The following CLIC2 variants were observed in gnomAD, a reference collection of about 807,000 sequenced individuals.
CLIC2 encodes chloride intracellular channel protein 2.
Under a neutral mutation model 14.8 loss-of-function variants are expected in CLIC2, and 9 were observed. The observed-to-expected ratio is 0.61, with a 90% confidence interval of 0.37 to 1.06. The LOEUF is 1.06. Ranked by LOEUF, CLIC2 falls within the 50% of genes least tolerant of loss-of-function variation. CLIC2 has a pLI of 0.01. For synonymous variants in CLIC2, 61 were observed against 66.3 expected, an observed-to-expected ratio of 0.92 and a Z score of 0.39; for missense variants, 148 against 181.4, an observed-to-expected ratio of 0.82 and a Z score of 1.06.
chrX:155,334,541 A>T lies in CLIC2; in HGVS notation c.-114T>A. ...CAAGTAATGTTGGTGCTTTAAGAAG[A>T]CCGTCTAGCTTGTAGTGGACTGAGT... On this transcript the variant is annotated 5_prime_UTR_variant, in exon 1 of 6. Coordinates refer to ENST00000369449, the MANE Select transcript of CLIC2 (RefSeq NM_001289.6). 1 of 655,827 alleles carries T rather than the reference A, an allele frequency of 1.5e-6. No individual in the cohort carries two copies. The highest frequency in any genetic ancestry group is 2.5e-6 in the Non-Finnish European group (1 of 395,759). The allele number at this position is 655,827 out of a possible 1,213,427, so 54.0% of individuals were successfully genotyped here.
intron 1 of CLIC2, among the ~76,000 whole-genome samples, chrX:155,315,997 T>G (rs947038255): frequency 2.7e-5 from 3 of 111,173 alleles, no homozygotes; most frequent in African/African-American, 9.8e-5. Flanking sequence ...TTTAAAGCAA[T>G]AGCAGTTAAA....
chrX:155,319,292 G>T (rs1459952913), intron 1 of CLIC2, among the ~76,000 whole-genome samples: 4 of 76,345 alleles, frequency 5.2e-5, no homozygotes, highest in South Asian at 5.5e-4. Context: ...GAACAGCTTT[G>T]GTCTGCAGCT....
rs6655067 is a variant in CLIC2, at chrX:155,304,770, A to G, written c.58-5625T>C. 1.6e-3 allele frequency among the ~76,000 whole-genome samples: 116 copies of G among 71,189 alleles called. 2 individuals are homozygous for G. Among genetic ancestry groups the G allele is most frequent in the South Asian group, 4.4e-3 (5 of 1,149 alleles). 61.8% of individuals were successfully genotyped at this position (71,189 alleles called of 115,157 possible). A position where few individuals can be genotyped will look rare whatever the true frequency, so the allele number is the denominator to read the frequency against. ...CAGATGGGTTTTTGGTGTGGATGTC[A>G]TTTCTGTTTGTTAGTTTTCCTTCTA... On this transcript the variant is annotated intron_variant, in intron 1 of 5. Transcript: ENST00000369449.
intron 1 of CLIC2, among the ~76,000 whole-genome samples, chrX:155,312,430 C>T (rs2075077782): frequency 1.8e-5 from 2 of 111,879 alleles, no homozygotes; most frequent in African/African-American, 3.3e-5. Flanking sequence ...GAGTCTTTTC[C>T]CCAATGCTTG....
chrX:155,277,749 A>G lies in CLIC2; in HGVS notation c.*154T>C, dbSNP rs1271233087. 1.0e-5 allele frequency: 5 copies of G among 485,606 alleles called. No individual in the cohort carries two copies. In the African/African-American group the frequency reaches 1.3e-4, roughly 13 times the overall value. The allele number at this position is 485,606 out of a possible 1,213,427, so 40.0% of individuals were successfully genotyped here. A position where few individuals can be genotyped will look rare whatever the true frequency, so the allele number is the denominator to read the frequency against. ...ACCTGTAAAATACAGTGGACAGATT[A>G]TTTATGGCTAATAGAAAATACAGAG... On this transcript the variant is annotated 3_prime_UTR_variant, in exon 6 of 6. Transcript: ENST00000369449.
At chrX:155,293,955 T>C (rs1331150237) in intron 3 of CLIC2, among the ~76,000 whole-genome samples, 2 of 111,294 alleles carry the variant, frequency 1.8e-5, no homozygotes, top group Non-Finnish European at 3.8e-5. Context: ...TGCAGTGCAA[T>C]AATAGGAAGG....
chrX:155,314,900 TA>T (rs782796734), intron 1 of CLIC2, among the ~76,000 whole-genome samples: 1 of 110,687 alleles, frequency 9.0e-6, no homozygotes, highest in South Asian at 3.8e-4. Context: ...ATAGCATAAA[TA>T]AAAAACAACC....
intron 3 of CLIC2, among the ~76,000 whole-genome samples, chrX:155,297,786 G>A (rs1169570365): frequency 1.6e-4 from 15 of 93,334 alleles, no homozygotes; most frequent in Non-Finnish European, 2.7e-4. Flanking sequence ...CCCGAGACCC[G>A]AGAGGCGGAG....
intron 3 of CLIC2, among the ~76,000 whole-genome samples, chrX:155,291,833 G>C (rs1451790091): frequency 8.9e-6 from 1 of 112,387 alleles, no homozygotes; most frequent in Non-Finnish European, 1.9e-5. Context: ...TTACAGATAT[G>C]TTGGGAAAGA....
chrX:155,278,905 A>G (rs2074908365), intron 5 of CLIC2: 1 of 341,888 alleles, frequency 2.9e-6, no homozygotes, highest in Admixed American at 4.7e-5. Context: ...CTGCACTCCA[A>G]CCTGGGTGAC....
intron 1 of CLIC2, among the ~76,000 whole-genome samples, chrX:155,310,736 TG>T (rs1261638933): frequency 2.7e-5 from 3 of 112,567 alleles, no homozygotes; most frequent in African/African-American, 9.7e-5. Context: ...AGGTTCTCCA[TG>T]AGGGCCCCAC....
intron 3 of CLIC2, chrX:155,291,029 G>A (rs1162088261): frequency 1.4e-6 from 1 of 714,023 alleles, no homozygotes; most frequent in Non-Finnish European, 2.2e-6. Context: ...CATCTTTAAC[G>A]TGGCCACCTC....
chrX:155,317,483 C>A (rs2075099179), intron 1 of CLIC2, among the ~76,000 whole-genome samples: 1 of 111,361 alleles, frequency 9.0e-6, no homozygotes, highest in East Asian at 2.8e-4. Context: ...CCTGGAAATA[C>A]AAAGATCTTC....
At chrX:155,285,653 G>A (rs1223812147) in intron 3 of CLIC2, among the ~76,000 whole-genome samples, 2 of 111,169 alleles carry the variant, frequency 1.8e-5, no homozygotes, top group Non-Finnish European at 3.8e-5. Flanking sequence ...CTGTTGCCTG[G>A]AGTTCCAGCA....
chrX:155,320,575 C>T (rs1265990686), intron 1 of CLIC2, among the ~76,000 whole-genome samples: 2 of 111,775 alleles, frequency 1.8e-5, no homozygotes, highest in African/African-American at 3.3e-5. Context: ...CATAAAAGAC[C>T]AAAAGTAGAC....
intron 3 of CLIC2, among the ~76,000 whole-genome samples, chrX:155,290,178 T>C (rs2074958797): frequency 8.9e-6 from 1 of 112,171 alleles, no homozygotes; most frequent in Non-Finnish European, 1.9e-5. Flanking sequence ...AAGTCAAAAA[T>C]AGAAATCATG....
Position 155,323,340 on chromosome X carries a change from A to C in CLIC2, c.57+11031T>G, listed in dbSNP as rs1209403838. Among the ~76,000 whole-genome samples, 7 of 112,259 alleles carry C rather than the reference A, an allele frequency of 6.2e-5. No individual in the cohort carries two copies. The Admixed American group carries it at 6.6e-4, about 11-fold the overall frequency. ...TCAAAAAGCTTATTCACCATGATCA[A>C]GTTGGCTTCATCCCTGGGATACAAG... On this transcript the variant is annotated intron_variant, in intron 1 of 5. Coordinates refer to ENST00000369449, the MANE Select transcript of CLIC2 (RefSeq NM_001289.6).
At chrX:155,299,317 A>G (rs1270450245) in intron 1 of CLIC2, among the ~76,000 whole-genome samples, 172 bp from the exon 2 acceptor site, 1 of 110,815 alleles carries the variant, frequency 9.0e-6, no homozygotes, top group Admixed American at 9.6e-5. Flanking sequence ...CATTATATGT[A>G]AAGTTACAAC....
chrX:155,305,254 C>T (rs1218191058), intron 1 of CLIC2, among the ~76,000 whole-genome samples: 1 of 112,269 alleles, frequency 8.9e-6, no homozygotes, highest in Non-Finnish European at 1.9e-5. Flanking sequence ...TGGGACCCTC[C>T]GAGCCAGGTG....
Sources: allele counts gnomAD v4.1 joint callset (sites outside exome capture counted in the v4.1 genomes callset), GRCh38; gene constraint gnomAD v4.1.1; transcripts MANE v1.5; gene names NCBI Gene and HGNC (gene_info 2026-07-23, HGNC 2026-07-21).